DMD: variants seen among roughly 807,000 people sequenced by gnomAD.
DMD encodes the protein dystrophin, also known as mutant dystrophin.
A neutral mutation model predicts 330.1 loss-of-function variants in DMD; 63 were observed. The ratio of observed to expected loss-of-function variants is 0.19; its 90% confidence interval spans 0.16 to 0.24. The LOEUF is 0.24. Among genes scored for constraint, DMD ranks in the 10% least tolerant of loss-of-function variants. The pLI, the probability that DMD is intolerant of heterozygous loss-of-function variation, is 1.00. For synonymous variants in DMD, 1,223 were observed against 959.8 expected, an observed-to-expected ratio of 1.27 and a Z score of -5.07; for missense variants, 3,344 against 2,684.1, an observed-to-expected ratio of 1.25 and a Z score of -5.43.
intron 2 of DMD, among the ~76,000 whole-genome samples, chrX:32,932,671 C>T (rs2089690176): frequency 8.9e-6 from 1 of 111,747 alleles, no homozygotes. Flanking sequence ...TGAGCTTTGG[C>T]AAATGATCCC....
At chrX:32,599,220 A>G (rs991714138) in intron 12 of DMD, among the ~76,000 whole-genome samples, 1 of 111,698 alleles carries the variant, frequency 9.0e-6, no homozygotes, top group Non-Finnish European at 1.9e-5. Flanking sequence ...AATCTCCTTA[A>G]TATCAGCAAA....
intron 11 of DMD, among the ~76,000 whole-genome samples, chrX:32,626,921 C>T (rs1569336740): frequency 9.5e-6 from 1 of 105,276 alleles, no homozygotes; most frequent in African/African-American, 4.0e-5. Flanking sequence ...CAAACTATCA[C>T]AGATAGGTGA....
chrX:31,195,568 C>A (rs925586526), intron 67 of DMD, among the ~76,000 whole-genome samples: 2 of 111,217 alleles, frequency 1.8e-5, no homozygotes, highest in African/African-American at 6.5e-5. Flanking sequence ...CTGCCTCCTA[C>A]AATCCTTTAA....
chrX:33,205,059 A>C (rs1175042552), intron 1 of DMD, among the ~76,000 whole-genome samples: 1 of 111,995 alleles, frequency 8.9e-6, no homozygotes, highest in Non-Finnish European at 1.9e-5. Context: ...TTCAGCGTCT[A>C]CTAAATCAGG....
At chrX:31,474,548 C>CA (rs201882496) in intron 59 of DMD, among the ~76,000 whole-genome samples, 2,859 of 90,020 alleles carry the variant, frequency 0.032, 57 homozygotes, top group African/African-American at 0.07. Flanking sequence ...CTAAAAAATA[C>CA]AAAAAAAAAA....
At chrX:33,293,217 C>A (rs1367620428) in intron 1 of DMD, among the ~76,000 whole-genome samples, 2 of 111,257 alleles carry the variant, frequency 1.8e-5, no homozygotes, top group Admixed American at 1.9e-4. Context: ...AATATAGTAC[C>A]TTGGCTATAG....
chrX:31,332,476 T>C (rs1239095746), intron 61 of DMD, among the ~76,000 whole-genome samples: 1 of 111,515 alleles, frequency 9.0e-6, no homozygotes, highest in Non-Finnish European at 1.9e-5. Flanking sequence ...GATTAAAGAA[T>C]AAAAAATATC....
intron 27 of DMD, among the ~76,000 whole-genome samples, chrX:32,447,257 A>G (rs1168070986): frequency 9.1e-6 from 1 of 110,495 alleles, no homozygotes; most frequent in Admixed American, 9.7e-5. Context: ...TTCCCTTCCC[A>G]TTCTTTGTTA....
intron 9 of DMD, among the ~76,000 whole-genome samples, chrX:32,646,348 CTGAGAACA>C (rs2059782927): frequency 9.0e-6 from 1 of 111,234 alleles, no homozygotes; most frequent in Admixed American, 9.6e-5. Flanking sequence ...TTCAAAAATC[CTGAGAACA>C]TGCTCAAGAG....
At chrX:31,879,432 A>G (rs1216931488) in intron 47 of DMD, among the ~76,000 whole-genome samples, 1 of 111,666 alleles carries the variant, frequency 9.0e-6, no homozygotes, top group African/African-American at 3.2e-5. Context: ...CCATAATTCA[A>G]GGTGAGATTT....
At chrX:31,191,490 G>A (rs764075560) in intron 67 of DMD, among the ~76,000 whole-genome samples, 2 of 111,039 alleles carry the variant, frequency 1.8e-5, no homozygotes, top group African/African-American at 3.3e-5. Flanking sequence ...AGCCTGGTGG[G>A]AGGTGATTGA....
rs66621875 is a variant in DMD, at chrX:31,220,877, A to AT, written c.9361+2169dup. Among the ~76,000 whole-genome samples, 91 of 69,435 alleles carry AT rather than the reference A, an allele frequency of 1.3e-3. 1 individual carries two copies. In the South Asian group the frequency reaches 0.02, roughly 15 times the overall value. The allele number at this position is 69,435 out of a possible 115,157, so 60.3% of individuals were successfully genotyped here. ...ATGAATTCGTAAACTTTCCTAAAAC[A>AT]TTTTTTTTTTTTTTTGCGATTTTTT... On this transcript the variant is annotated intron_variant, in intron 64 of 78. Transcript: ENST00000357033.
intron 34 of DMD, among the ~76,000 whole-genome samples, chrX:32,369,012 G>A (rs1440218773): frequency 4.5e-5 from 5 of 111,662 alleles, no homozygotes; most frequent in Non-Finnish European, 9.4e-5. Flanking sequence ...ACCTTCAGGA[G>A]ATTCAAGAGA....
At chrX:32,744,193 A>G (rs953937976) in intron 7 of DMD, among the ~76,000 whole-genome samples, 1 of 102,414 alleles carries the variant, frequency 9.8e-6, no homozygotes, top group African/African-American at 3.5e-5. Flanking sequence ...CATTCTTACA[A>G]TTTTTTTTTT....
At chrX:33,188,234 A>ATCTC (rs745634940) in intron 1 of DMD, among the ~76,000 whole-genome samples, 3 of 104,501 alleles carry the variant, frequency 2.9e-5, no homozygotes, top group African/African-American at 7.0e-5. Context: ...TCCTTTAACC[A>ATCTC]TCTCTCTCTC....
rs375557173 is a variant in DMD, at chrX:32,485,005, A to C, written c.2717T>G (p.Phe906Cys). 2 of 1,209,847 alleles carry C rather than the reference A, an allele frequency of 1.7e-6. No individual in the cohort carries two copies. The highest frequency in any genetic ancestry group is 3.5e-5 in the African/African-American group (2 of 57,203). ...ALKEKGQGPM[F>C]LDADFVAFTN... ...AAAGGCCACAAAGTCTGCATCCAGG[A>C]ACATGGGTCCTTGTCCTTTCTCTTT... Residue 906 changes from phenylalanine (F) to cysteine (C), a missense_variant, in exon 21 of 79, where the codon TTC becomes TGC. Coordinates refer to ENST00000357033, the MANE Select transcript of DMD (RefSeq NM_004006.3).
At chrX:32,619,857 C>T (rs1359660830) in intron 11 of DMD, among the ~76,000 whole-genome samples, 1 of 111,780 alleles carries the variant, frequency 8.9e-6, no homozygotes, top group African/African-American at 3.3e-5. Context: ...AGGAAGAGAG[C>T]TGTTGCCGGA....
intron 16 of DMD, among the ~76,000 whole-genome samples, chrX:32,555,583 A>G (rs2050208901): frequency 8.9e-6 from 1 of 112,013 alleles, no homozygotes; most frequent in Non-Finnish European, 1.9e-5. Flanking sequence ...AAACTATACT[A>G]CAAGGTTACA....
chrX:32,893,282 G>A (rs1339381173), intron 2 of DMD, among the ~76,000 whole-genome samples: 4 of 111,750 alleles, frequency 3.6e-5, no homozygotes, highest in Non-Finnish European at 7.5e-5. Flanking sequence ...CTTAACATAA[G>A]CTGAATTTAT....
Sources: allele counts gnomAD v4.1 joint callset (sites outside exome capture counted in the v4.1 genomes callset), GRCh38; gene constraint gnomAD v4.1.1; transcripts MANE v1.5; gene names NCBI Gene and HGNC (gene_info 2026-07-23, HGNC 2026-07-21).